The following ATP2C2 variants were observed in gnomAD, a reference collection of about 807,000 sequenced individuals.
ATP2C2 encodes the protein calcium-transporting ATPase type 2C member 2.
In ATP2C2, 171 loss-of-function variants were observed where a neutral mutation model predicts 110.8. The observed-to-expected ratio is 1.54, with a 90% confidence interval of 1.36 to 1.75. ATP2C2 has a LOEUF of 1.75. ATP2C2 is among the 40% of genes most tolerant of loss of function. The probability of loss-of-function intolerance (pLI) is 0.00; values close to 1 mark genes in which losing one functional copy is unlikely to be tolerated. For synonymous variants in ATP2C2, 804 were observed against 508.4 expected, an observed-to-expected ratio of 1.58 and a Z score of -7.82; for missense variants, 1,963 against 1,235.0, an observed-to-expected ratio of 1.59 and a Z score of -8.84.
rs538978039 is a variant in ATP2C2 at position 84,408,215 on chromosome 16, T to C, written c.328-190T>C. Among the ~76,000 whole-genome samples, 14 of 152,224 alleles carry C rather than the reference T, an allele frequency of 9.2e-5. No individual in the cohort carries two copies. The South Asian group carries it at 1.7e-3, about 18-fold the overall frequency. ...CAGTACTGGGACCTGGGAGGGTCAATTGGGTGGAGTTCCAGGCAGAGGAGG... is the reference window on the plus strand; with the variant it reads ...CAGTACTGGGACCTGGGAGGGTCAACTGGGTGGAGTTCCAGGCAGAGGAGG... On this transcript the variant is annotated intron_variant, in intron 3 of 26. Transcript: ENST00000262429.
At position 84,463,916 on chromosome 16, in the gene ATP2C2, C is replaced by T; in HGVS notation, c.*184C>T. The T allele has an allele frequency of 1.7e-6, 1 of 594,844 alleles. No individual in the cohort carries two copies. The allele number at this position is 594,844 out of a possible 1,614,324, so 36.8% of individuals were successfully genotyped here. Reference sequence around the variant, plus strand: ...CCAGGGACCCAGGCCCACATCCATCCAGCGTTCCCGCTGGCTGTGGGACAG... The same window carrying T: ...CCAGGGACCCAGGCCCACATCCATCTAGCGTTCCCGCTGGCTGTGGGACAG... On this transcript the variant is annotated 3_prime_UTR_variant, in exon 27 of 27. Coordinates refer to ENST00000262429, the MANE Select transcript of ATP2C2 (RefSeq NM_014861.4).
At chr16:84,387,292 C>T (rs570503218) in intron 1 of ATP2C2, among the ~76,000 whole-genome samples, 25 of 152,034 alleles carry the variant, frequency 1.6e-4, no homozygotes, top group Admixed American at 5.2e-4. Context: ...GAGGCCCAGG[C>T]GAGTGGATCA....
intron 26 of ATP2C2, 120 bp downstream of exon 26, chr16:84,462,249 G>GCCGGCTCTGTCTTCAGGGC (rs1911453368): frequency 2.2e-6 from 3 of 1,352,566 alleles, no homozygotes; most frequent in East Asian, 2.3e-5. Context: ...CTCACCAGGG[G>GCCGGCTCTGTCTTCAGGGC]CCGGCTCTGT....
intron 1 of ATP2C2, among the ~76,000 whole-genome samples, chr16:84,393,332 TC>T (rs1895895221): frequency 6.6e-6 from 1 of 152,084 alleles, no homozygotes; most frequent in South Asian, 2.1e-4. Context: ...GGTAGGAGTC[TC>T]CCAAATGCAG....
At position 84,463,956 on chromosome 16, in the gene ATP2C2, G is replaced by A. The variant is rs1360710559; in HGVS notation, c.*224G>A. ...CTGTGGGACAGACAGGGAGGGGCCT[G>A]TACAGAAACACCACACTGTTTATTA... On this transcript the variant is annotated 3_prime_UTR_variant, in exon 27 of 27. Coordinates refer to ENST00000262429, the MANE Select transcript of ATP2C2 (RefSeq NM_014861.4). The A allele has an allele frequency of 7.7e-6, 4 of 517,988 alleles. No individual in the cohort carries two copies. The highest frequency in any genetic ancestry group is 1.0e-5 in the Non-Finnish European group (3 of 289,148). The allele number at this position is 517,988 out of a possible 1,614,324, so 32.1% of individuals were successfully genotyped here.
At chr16:84,404,196 A>C (rs1597773039) in intron 2 of ATP2C2, among the ~76,000 whole-genome samples, 1 of 152,218 alleles carries the variant, frequency 6.6e-6, no homozygotes, top group East Asian at 1.9e-4. Flanking sequence ...AAGCTTCATG[A>C]CATCATTCCT....
In ATP2C2 at chr16:84,373,063, A is replaced by G. The variant is rs1297519912; in HGVS notation, c.99+4349A>G. ...TGAACCCAGGAGGCGGAGGTTGCAG[A>G]GAGCTGAGATCACGAAACTGCACTC... On this transcript the variant is annotated intron_variant, in intron 1 of 26. Transcript: ENST00000262429. Among the ~76,000 whole-genome samples, 6 of 151,088 alleles carry G rather than the reference A, an allele frequency of 4.0e-5. No individual in the cohort carries two copies. The South Asian group carries it at 1.1e-3, about 27-fold the overall frequency.
intron 1 of ATP2C2, 49 bp downstream of exon 1, chr16:84,368,763 C>T: frequency 7.0e-6 from 10 of 1,418,736 alleles, no homozygotes; most frequent in Non-Finnish European, 9.4e-6. Flanking sequence ...CCCCCCATCC[C>T]CTCCGTCGTA....
chr16:84,407,410 G>C (rs1905871933), intron 3 of ATP2C2: 1 of 152,432 alleles, frequency 6.6e-6, no homozygotes, highest in Non-Finnish European at 1.5e-5. Context: ...GCAGGGTGCA[G>C]AGTCCCTGAG....
At chr16:84,404,996 G>T (rs1433434420) in intron 2 of ATP2C2, 132 bp from the exon 3 acceptor site, 2 of 809,896 alleles carry the variant, frequency 2.5e-6, no homozygotes. Flanking sequence ...ACAAGTCCCA[G>T]CACCTTGGTG....
intron 2 of ATP2C2, among the ~76,000 whole-genome samples, chr16:84,400,241 T>C (rs12103239): frequency 0.2 from 30,244 of 152,034 alleles, 4,899 homozygotes; most frequent in African/African-American, 0.45. Flanking sequence ...AGTGCAGATA[T>C]CTCTTCAATA....
intron 23 of ATP2C2, chr16:84,459,610 T>A (rs377261): frequency 6.5e-7 from 1 of 1,531,902 alleles, no homozygotes; most frequent in Non-Finnish European, 8.7e-7. Context: ...TGGAACTTTC[T>A]GCTCCCTCTG....
At chr16:84,379,810 G>T (rs1910471606) in intron 1 of ATP2C2, among the ~76,000 whole-genome samples, 1 of 152,168 alleles carries the variant, frequency 6.6e-6, no homozygotes, top group African/African-American at 2.4e-5. Context: ...GAAGGAAGAT[G>T]TCTATCAAAT....
intron 1 of ATP2C2, among the ~76,000 whole-genome samples, chr16:84,372,781 A>T (rs1454413674): frequency 6.6e-6 from 1 of 152,092 alleles, no homozygotes; most frequent in South Asian, 2.1e-4. Flanking sequence ...TAAGCATAAA[A>T]CTTGTAATAA....
chr16:84,424,730 T>G lies in ATP2C2; in HGVS notation c.920-1005T>G, dbSNP rs370064625. Among the ~76,000 whole-genome samples, 75 of 152,196 alleles carry G rather than the reference T, an allele frequency of 4.9e-4. 1 individual carries two copies. The Middle Eastern group carries it at 0.01, about 21-fold the overall frequency. On this transcript the variant is annotated intron_variant, in intron 10 of 26. Coordinates refer to ENST00000262429, the MANE Select transcript of ATP2C2 (RefSeq NM_014861.4). ...CAGCGCTTCTAGAGGAAAGTAGCAT[T>G]TGCCAATTCCCATGGTGCAAATACT...
rs1177665133 is a variant in ATP2C2 at position 84,405,248 on chromosome 16, G to A, written c.327+4G>A. ...GTGGAAGAAATACCTGGATCAGGTAGGACCAGAGGTGTCATTCTTTGCATT... is the reference window on the plus strand; with the variant it reads ...GTGGAAGAAATACCTGGATCAGGTAAGACCAGAGGTGTCATTCTTTGCATT... On this transcript the variant is annotated splice_donor_region_variant and intron_variant, in intron 3 of 26. Coordinates refer to ENST00000262429, the MANE Select transcript of ATP2C2 (RefSeq NM_014861.4). The A allele has an allele frequency of 1.9e-6, 3 of 1,605,958 alleles. No individual in the cohort carries two copies. In the African/African-American group the frequency reaches 4.0e-5, roughly 22 times the overall value.
At chr16:84,422,337 C>G in intron 7 of ATP2C2, 53 bp from the exon 8 acceptor site, 1 of 1,576,490 alleles carries the variant, frequency 6.3e-7, no homozygotes, top group African/African-American at 1.4e-5. Flanking sequence ...CTTTTAACAC[C>G]AATTCTCGGG....
chr16:84,418,448 C>A (rs189226088), intron 7 of ATP2C2, among the ~76,000 whole-genome samples: 1 of 152,216 alleles, frequency 6.6e-6, no homozygotes, highest in Non-Finnish European at 1.5e-5. Flanking sequence ...GCCACCTGAT[C>A]TTCTACCTGC....
intron 3 of ATP2C2, among the ~76,000 whole-genome samples, chr16:84,406,356 G>T (rs552687660): frequency 2.0e-5 from 3 of 152,338 alleles, no homozygotes; most frequent in Admixed American, 6.5e-5. Flanking sequence ...GTGCCTGAGG[G>T]CATTTAGATG....
Sources: gnomAD v4.1 joint callset for allele counts (sites outside exome capture counted in the v4.1 genomes callset) on GRCh38, gnomAD v4.1.1 for gene constraint, MANE v1.5 for transcripts, NCBI Gene and HGNC (gene_info 2026-07-23, HGNC 2026-07-21) for gene names.